Variants in AMOTL1 observed in about 807,000 individuals in gnomAD.
The protein encoded by AMOTL1 is angiomotin like 1.
AMOTL1 carries 45 observed loss-of-function variants against 102.9 expected under a neutral mutation model. That is an observed-to-expected ratio of 0.44 (90% CI 0.34 to 0.56). The LOEUF (loss-of-function observed/expected upper bound fraction) is 0.56, where lower values mean the gene tolerates loss of function less well. Ranked by LOEUF, AMOTL1 falls within the 20% of genes least tolerant of loss-of-function variation. The pLI is 0.01. For synonymous variants in AMOTL1, 481 were observed against 484.7 expected, an observed-to-expected ratio of 0.99 and a Z score of 0.10; for missense variants, 1,114 against 1,225.6, an observed-to-expected ratio of 0.91 and a Z score of 1.36.
chr11:94,813,973 T>C (rs1302839888), intron 3 of AMOTL1, among the ~76,000 whole-genome samples: 1 of 152,162 alleles, frequency 6.6e-6, no homozygotes, highest in African/African-American at 2.4e-5. Flanking sequence ...TCACTTAATG[T>C]GAAGAGGAAA....
At chr11:94,822,058 G>A (rs1426683277) in intron 4 of AMOTL1, among the ~76,000 whole-genome samples, 1 of 152,196 alleles carries the variant, frequency 6.6e-6, no homozygotes, top group Non-Finnish European at 1.5e-5. Flanking sequence ...AGGGTCTACT[G>A]TAGGAACAGC....
chr11:94,707,105 T>C (rs1243167292), intron 1 of AMOTL1, among the ~76,000 whole-genome samples: 2 of 152,142 alleles, frequency 1.3e-5, no homozygotes, highest in Admixed American at 1.3e-4. Context: ...TGTTCTGACA[T>C]GCAGGTACCT....
exon 2 of AMOTL1, chr11:94,728,953 AT>A (rs1565329708): frequency 7.8e-7 from 1 of 1,287,784 alleles, no homozygotes; most frequent in Admixed American, 2.3e-5. Flanking sequence ...AAAGCTATAC[AT>A]ACAAGGGGCT....
At chr11:94,735,183 G>A (rs1403877204) in intron 2 of AMOTL1, among the ~76,000 whole-genome samples, 2 of 152,216 alleles carry the variant, frequency 1.3e-5, no homozygotes, top group Non-Finnish European at 1.5e-5. Flanking sequence ...AGCAGACCCT[G>A]CCACCTCTGC....
At chr11:94,863,783 G>C (rs1295575880) in intron 9 of AMOTL1, among the ~76,000 whole-genome samples, 1 of 152,192 alleles carries the variant, frequency 6.6e-6, no homozygotes, top group Non-Finnish European at 1.5e-5. Context: ...TTAGTTAGTA[G>C]TAATTAAATT....
rs372692749 is a variant in AMOTL1, at chr11:94,850,087, G to A, written c.1649-27G>A. The A allele has an allele frequency of 7.0e-6, 11 of 1,567,944 alleles. No individual in the cohort carries two copies. The African/African-American group carries it at 1.1e-4, about 15-fold the overall frequency. Reference sequence around the variant, plus strand: ...AGAGGGTGTGCAATTTCTGATAGAGGTAGTTTTGTTCGTGTTTCCCTTCTA... The same window carrying A: ...AGAGGGTGTGCAATTTCTGATAGAGATAGTTTTGTTCGTGTTTCCCTTCTA... On this transcript the variant is annotated intron_variant, in intron 6 of 12. Coordinates refer to ENST00000433060, the MANE Select transcript of AMOTL1 (RefSeq NM_130847.3).
intron 3 of AMOTL1, among the ~76,000 whole-genome samples, chr11:94,762,170 A>C (rs922556400): frequency 6.6e-6 from 1 of 152,256 alleles, no homozygotes; most frequent in Non-Finnish European, 1.5e-5. Flanking sequence ...AAAGGGAAGC[A>C]ATCATAATAG....
At chr11:94,842,168 T>C (rs1243518245) in intron 6 of AMOTL1, among the ~76,000 whole-genome samples, 1 of 152,216 alleles carries the variant, frequency 6.6e-6, no homozygotes, top group Admixed American at 6.5e-5. Context: ...ACCAATAGCA[T>C]CCTCTTATTC....
At chr11:94,853,583 A>G (rs148854335) in intron 7 of AMOTL1, among the ~76,000 whole-genome samples, 69 of 152,330 alleles carry the variant, frequency 4.5e-4, no homozygotes, top group African/African-American at 1.6e-3. Context: ...TAGTCCTGCA[A>G]TAAACATACG....
intron 1 of AMOTL1, among the ~76,000 whole-genome samples, chr11:94,776,257 A>C (rs1187243593): frequency 6.6e-6 from 1 of 152,184 alleles, no homozygotes; most frequent in East Asian, 1.9e-4. Context: ...GTAAACTGTA[A>C]TAAGGTTCAT....
rs1011334155 is a variant in AMOTL1 at position 94,875,333 on chromosome 11, A to G, written c.*4538A>G. On this transcript the variant is annotated 3_prime_UTR_variant, in exon 13 of 13. Coordinates refer to ENST00000433060, the MANE Select transcript of AMOTL1 (RefSeq NM_130847.3). ...GCAATTTTTCCTCTTTCTCTTAAGT[A>G]GTATACCCTTTTCTCACTTAGTAAT... The G allele has an allele frequency of 6.6e-6, 1 of 152,230 alleles. No homozygotes were observed. The highest frequency in any genetic ancestry group is 2.4e-5 in the African/African-American group (1 of 41,464). 9.4% of individuals were successfully genotyped at this position (152,230 alleles called of 1,614,324 possible). A position where few individuals can be genotyped will look rare whatever the true frequency, so the allele number is the denominator to read the frequency against.
chr11:94,821,512 C>G lies in AMOTL1; in HGVS notation c.1122-18C>G. On this transcript the variant is annotated intron_variant, in intron 3 of 12. Transcript: ENST00000433060. ...CCATTTCCCCAGGCTCTAACTGCTGCCTTCCATTGCCTTGCAGCCGCCCAT... is the reference window on the plus strand; with the variant it reads ...CCATTTCCCCAGGCTCTAACTGCTGGCTTCCATTGCCTTGCAGCCGCCCAT... 1 of 1,607,632 alleles carries G rather than the reference C, an allele frequency of 6.2e-7. No individual in the cohort carries two copies. The highest frequency in any genetic ancestry group is 8.5e-7 in the Non-Finnish European group (1 of 1,176,058).
intron 3 of AMOTL1, among the ~76,000 whole-genome samples, chr11:94,804,315 G>A (rs188604674): frequency 1.7e-4 from 26 of 152,264 alleles, no homozygotes; most frequent in African/African-American, 5.5e-4. Flanking sequence ...TTGTTGTCTT[G>A]AGATGCCTGT....
At position 94,750,297 on chromosome 11, in the gene AMOTL1, G is replaced by A. The variant is rs149914837; in HGVS notation, c.136+9309G>A. The stretch of plus-strand genomic sequence containing the variant: ...TCAGAAACACCATATTGAGACCCGT[G>A]AACACCGTGATAATTGCTCCATGCC... On this transcript the variant is annotated intron_variant, in intron 3 of 4. Coordinates refer to the AMOTL1 transcript ENST00000299004. 3.0e-3 allele frequency among the ~76,000 whole-genome samples: 450 copies of A among 152,252 alleles called. 2 individuals carry two copies. Among genetic ancestry groups the A allele is most frequent in the African/African-American group, 0.01 (429 of 41,538 alleles).
intron 3 of AMOTL1, among the ~76,000 whole-genome samples, chr11:94,802,179 A>G (rs1026046236): frequency 6.6e-6 from 1 of 152,228 alleles, no homozygotes; most frequent in Non-Finnish European, 1.5e-5. Context: ...GACTCCTCCC[A>G]GGAATCCAAG....
chr11:94,833,588 T>C (rs1326747251), intron 6 of AMOTL1, among the ~76,000 whole-genome samples: 4 of 152,238 alleles, frequency 2.6e-5, no homozygotes, highest in Admixed American at 2.6e-4. Context: ...TATAATAATA[T>C]TCACCAATGT....
At chr11:94,720,323 A>G (rs567447005) in intron 1 of AMOTL1, among the ~76,000 whole-genome samples, 21 of 152,236 alleles carry the variant, frequency 1.4e-4, no homozygotes, top group Non-Finnish European at 1.8e-4. Flanking sequence ...GAGGTACAGG[A>G]ATCGCATGGA....
intron 1 of AMOTL1, among the ~76,000 whole-genome samples, 195 bp from the exon 2 acceptor site, chr11:94,794,816 C>T (rs75126419): frequency 7.7e-4 from 117 of 152,278 alleles, no homozygotes; most frequent in Non-Finnish European, 1.6e-3. Flanking sequence ...GTTGACCTCA[C>T]GGGTCATTTT....
chr11:94,791,332 G>GCCCT lies in AMOTL1; in HGVS notation c.50-3678_50-3675dup, dbSNP rs999521023. ...TCTTTAGGTTTTCTTCAGGTTAAGGGCCCTAGGCACTGTACTTTCTCCTCC... is the reference window on the plus strand; with the variant it reads ...TCTTTAGGTTTTCTTCAGGTTAAGGGCCCTCCCTAGGCACTGTACTTTCTCCTCC... On this transcript the variant is annotated intron_variant, in intron 1 of 12. Coordinates refer to ENST00000433060, the MANE Select transcript of AMOTL1 (RefSeq NM_130847.3). Among the ~76,000 whole-genome samples the GCCCT allele has an allele frequency of 3.2e-4, 49 of 152,166 alleles. 1 individual carries two copies. The highest frequency in any genetic ancestry group is 1.9e-4 in the Non-Finnish European group (13 of 68,030).
Sources: allele counts gnomAD v4.1 joint callset (sites outside exome capture counted in the v4.1 genomes callset), GRCh38; gene constraint gnomAD v4.1.1; transcripts MANE v1.5; gene names NCBI Gene and HGNC (gene_info 2026-07-23, HGNC 2026-07-21).